Variants in COL5A1 observed in about 807,000 individuals in gnomAD.
COL5A1 encodes the protein collagen type V alpha 1 chain, also known as collagen alpha-1(V) chain.
In COL5A1, 16 loss-of-function variants were observed where a neutral mutation model predicts 263.7. The ratio of observed to expected loss-of-function variants is 0.06; its 90% CI spans 0.04 to 0.09. The LOEUF is 0.09. Among genes scored for constraint, COL5A1 ranks in the 10% least tolerant of loss-of-function variants. COL5A1 has a pLI of 1.00. For synonymous variants in COL5A1, 1,012 were observed against 1,004.5 expected (o/e 1.01, Z -0.14); for missense variants, 2,036 against 2,540.5 (o/e 0.80, Z 4.27).
chr9:134,680,213 T>C lies in COL5A1; in HGVS notation c.110-10699T>C, dbSNP rs529610601. 6.6e-6 allele frequency among the ~76,000 whole-genome samples: 1 copy of C among 152,242 alleles called. No homozygotes were observed. Among genetic ancestry groups the C allele is most frequent in the East Asian group, 1.9e-4 (1 of 5,174 alleles). Reference sequence around the variant, plus strand: ...TGCCTCTGGGTACCTCAGAGCCCACTCAGGGCAGCCATCCAGGCGAAGGTT... The same window carrying C: ...TGCCTCTGGGTACCTCAGAGCCCACCCAGGGCAGCCATCCAGGCGAAGGTT... On this transcript the variant is annotated intron_variant, in intron 1 of 65. Transcript: ENST00000371817. This position sits in a 1 kb window ranked among gnomAD's most constrained non-coding sequence, Gnocchi z 5.9.
At chr9:134,675,670 TG>T (rs1225163356) in intron 1 of COL5A1, among the ~76,000 whole-genome samples, 1 of 152,212 alleles carries the variant, frequency 6.6e-6, no homozygotes, top group Admixed American at 6.6e-5. Flanking sequence ...GACTTCAGGT[TG>T]AGTGGCTTGT....
intron 32 of COL5A1, among the ~76,000 whole-genome samples, chr9:134,792,524 C>T (rs906063960): frequency 6.6e-6 from 1 of 152,154 alleles, no homozygotes; most frequent in Non-Finnish European, 1.5e-5. Context: ...TACAGATCGC[C>T]TGGCTAATTT....
chr9:134,735,480 G>A (rs549760292), intron 9 of COL5A1, among the ~76,000 whole-genome samples: 1 of 152,258 alleles, frequency 6.6e-6, no homozygotes, highest in East Asian at 1.9e-4. Flanking sequence ...TGGGTGGGCC[G>A]GGGCGGGAGC....
At chr9:134,667,204 T>G (rs1346728226) in intron 1 of COL5A1, among the ~76,000 whole-genome samples, 1 of 152,210 alleles carries the variant, frequency 6.6e-6, no homozygotes, top group African/African-American at 2.4e-5. Context: ...TGTTATTTGA[T>G]GTTCACCCGT....
At chr9:134,744,772 C>A (rs1835438557) in intron 11 of COL5A1, among the ~76,000 whole-genome samples, 1 of 151,968 alleles carries the variant, frequency 6.6e-6, no homozygotes, top group Admixed American at 6.5e-5. Flanking sequence ...CATGCTCACT[C>A]ATACATGCAC....
intron 4 of COL5A1, among the ~76,000 whole-genome samples, chr9:134,710,900 G>A (rs1295263248): frequency 1.6e-5 from 2 of 125,776 alleles, no homozygotes; most frequent in Non-Finnish European, 3.3e-5. Context: ...TTTGTTGGGT[G>A]CAGTGGTGGG....
Position 134,795,357 on chromosome 9 carries a change from A to G in COL5A1, c.2799+42A>G, listed in dbSNP as rs567388523. On this transcript the variant is annotated intron_variant, in intron 34 of 65. Transcript: ENST00000371817. ...CTGGGCGGTGGGCGGCGTGAACCCA[A>G]GTTGCAAGGCTACAGAGACGTGGAG... 1.0e-4 allele frequency: 167 copies of G among 1,593,884 alleles called. No individual in the cohort carries two copies. The Middle Eastern group carries it at 2.5e-3, about 24-fold the overall frequency.
intron 4 of COL5A1, among the ~76,000 whole-genome samples, chr9:134,703,627 GTTTTTTTTTTTTT>G (rs55882557): frequency 4.1e-5 from 3 of 73,230 alleles, no homozygotes; most frequent in Non-Finnish European, 7.5e-5. Context: ...GTGGCCTCGG[GTTTTTTTTTTTTT>G]TTTTTTTTTT....
chr9:134,816,860 C>T (rs1838768259), intron 52 of COL5A1, among the ~76,000 whole-genome samples, 166 bp from the exon 53 acceptor site: 1 of 152,148 alleles, frequency 6.6e-6, no homozygotes, highest in Non-Finnish European at 1.5e-5. Flanking sequence ...CTGTCACAGC[C>T]CGGGTGCGAC....
At chr9:134,666,035 C>T (rs1388747034) in intron 1 of COL5A1, among the ~76,000 whole-genome samples, 4 of 152,060 alleles carry the variant, frequency 2.6e-5, no homozygotes, top group Admixed American at 6.5e-5. Flanking sequence ...TGCAGTGAGC[C>T]GAGATCGCGC....
intron 65 of COL5A1, among the ~76,000 whole-genome samples, chr9:134,840,146 G>A (rs376813971): frequency 2.8e-4 from 43 of 152,378 alleles, no homozygotes; most frequent in Admixed American, 1.2e-3. Context: ...CCAGCCAGAC[G>A]GAGTCAGCCT....
At position 134,700,765 on chromosome 9, in the gene COL5A1, G is replaced by A. The variant is rs6537945; in HGVS notation, c.492-406G>A. 6.6e-6 allele frequency among the ~76,000 whole-genome samples: 1 copy of A among 152,018 alleles called. No individual in the cohort carries two copies. The highest frequency in any genetic ancestry group is 2.4e-5 in the African/African-American group (1 of 41,370). On this transcript the variant is annotated intron_variant, in intron 3 of 65. Coordinates refer to ENST00000371817, the MANE Select transcript of COL5A1 (RefSeq NM_000093.5). This position sits in a 1 kb window ranked among gnomAD's most constrained non-coding sequence, Gnocchi z 4.0. ...TTCAGAGGGCACGTGACAAGTGCTC[G>A]CATGCACACAGCAAAATACAACGGC...
chr9:134,656,349 A>G (rs1831972729), intron 1 of COL5A1, among the ~76,000 whole-genome samples: 1 of 152,170 alleles, frequency 6.6e-6, no homozygotes. Flanking sequence ...GGACTTTTGC[A>G]AAGAGAGCTC....
At chr9:134,733,173 C>G (rs1834965384) in intron 9 of COL5A1, among the ~76,000 whole-genome samples, 1 of 152,218 alleles carries the variant, frequency 6.6e-6, no homozygotes, top group African/African-American at 2.4e-5. Flanking sequence ...CCCAGAAGCC[C>G]CCTGACCTTG....
At chr9:134,840,573 G>A (rs1260064730) in intron 65 of COL5A1, among the ~76,000 whole-genome samples, 2 of 152,228 alleles carry the variant, frequency 1.3e-5, no homozygotes, top group Non-Finnish European at 2.9e-5. Context: ...AGAAGCCTGG[G>A]AGAGGTGCAG....
chr9:134,662,776 T>C (rs1024683572), intron 1 of COL5A1, among the ~76,000 whole-genome samples: 1 of 152,196 alleles, frequency 6.6e-6, no homozygotes, highest in Admixed American at 6.5e-5. Context: ...CTAACTCGCA[T>C]GAAACCCTCT....
intron 1 of COL5A1, among the ~76,000 whole-genome samples, chr9:134,665,750 C>T (rs1476262308): frequency 6.6e-6 from 1 of 152,140 alleles, no homozygotes; most frequent in Admixed American, 6.5e-5. Flanking sequence ...AGCAGCTGGC[C>T]TTTGGCTGAA....
Position 134,789,328 on chromosome 9 carries a change from T to TC in COL5A1, c.2700+120_2700+121insC. On this transcript the variant is annotated intron_variant, in intron 32 of 65. Transcript: ENST00000371817. This position sits in a 1 kb window ranked among gnomAD's most constrained non-coding sequence, Gnocchi z 4.8. ...TCTCTTGCTTCTGAAACTGCTCTCC[T>TC]GAATGGCTGGCCTTAAGCTCTTGAA... is the stretch of plus-strand genomic sequence containing the variant. 1 of 824,452 alleles carries TC rather than the reference T, an allele frequency of 1.2e-6. No homozygotes were observed. Among genetic ancestry groups the TC allele is most frequent in the Admixed American group, 2.0e-5 (1 of 49,880 alleles). The allele number at this position is 824,452 out of a possible 1,614,324, so 51.1% of individuals were successfully genotyped here. A position where few individuals can be genotyped will look rare whatever the true frequency, so the allele number is the denominator to read the frequency against.
intron 19 of COL5A1, among the ~76,000 whole-genome samples, chr9:134,762,934 G>A (rs111937144): frequency 0.019 from 2,906 of 152,240 alleles, 89 homozygotes; most frequent in African/African-American, 0.067. Context: ...TGCAGGGAGT[G>A]CACGTATCTG....
Sources: gnomAD v4.1 joint callset for allele counts (sites outside exome capture counted in the v4.1 genomes callset) on GRCh38, gnomAD v4.1.1 for gene constraint, Gnocchi (gnomAD v3.1) non-coding constraint, MANE v1.5 for transcripts, NCBI Gene and HGNC (gene_info 2026-07-23, HGNC 2026-07-21) for gene names.